The following BBS2 variants were observed in gnomAD, a reference collection of about 807,000 sequenced individuals.
The protein encoded by BBS2 is Bardet-Biedl syndrome 2.
In BBS2, 62 loss-of-function variants were observed where a neutral mutation model predicts 83.0. That is an observed-to-expected ratio of 0.75 (90% CI 0.61 to 0.92). The LOEUF is 0.92. Ranked by LOEUF, BBS2 falls within the 40% of genes least tolerant of loss-of-function variation. The pLI, the probability that BBS2 is intolerant of heterozygous loss-of-function variation, is 0.00. For missense variants in BBS2, 784 were observed against 901.0 expected (o/e 0.87, Z 1.66); for synonymous variants, 303 against 326.1 (o/e 0.93, Z 0.76).
chr16:56,474,637 A>G (rs1181877609), intron 17 of BBS2, among the ~76,000 whole-genome samples: 1 of 151,976 alleles, frequency 6.6e-6, no homozygotes, highest in African/African-American at 2.4e-5. Context: ...CAACTTTTTT[A>G]CCCCAAAATA....
intron 11 of BBS2, 178 bp downstream of exon 11, chr16:56,500,676 A>T: frequency 3.2e-6 from 2 of 619,678 alleles, no homozygotes. Flanking sequence ...CAGTTTTTCC[A>T]TTTTCTTTTT....
intron 15 of BBS2, among the ~76,000 whole-genome samples, chr16:56,495,143 T>G (rs1439270058): frequency 6.6e-6 from 1 of 152,194 alleles, no homozygotes; most frequent in Non-Finnish European, 1.5e-5. Context: ...CTGTACAAAC[T>G]GTACCTCAGG....
At chr16:56,487,747 C>A (rs994158183) in intron 15 of BBS2, among the ~76,000 whole-genome samples, 2 of 152,072 alleles carry the variant, frequency 1.3e-5, no homozygotes, top group African/African-American at 4.8e-5. Context: ...ACAAAAATTG[C>A]TGATGAAATT....
chr16:56,495,686 T>G (rs1340136724), intron 15 of BBS2, among the ~76,000 whole-genome samples: 2 of 152,168 alleles, frequency 1.3e-5, no homozygotes, highest in East Asian at 3.8e-4. Context: ...ACAGATGAGG[T>G]ATTTGTAATA....
At position 56,485,909 on chromosome 16, in the gene BBS2, A is replaced by T. The variant is rs139934839; in HGVS notation, c.1911-171T>A. Among the ~76,000 whole-genome samples, 391 of 152,352 alleles carry T rather than the reference A, an allele frequency of 2.6e-3. 3 individuals carry two copies. The highest frequency in any genetic ancestry group is 6.8e-3 in the Middle Eastern group (2 of 294). ...GAAAATACGGATAAGTTCCATAAAA[A>T]TATTCTTTTCCTTCCAAATAAACAG... On this transcript the variant is annotated intron_variant, in intron 15 of 16. Coordinates refer to ENST00000245157, the MANE Select transcript of BBS2 (RefSeq NM_031885.5).
At chr16:56,504,223 C>G (rs1284856911) in intron 7 of BBS2, among the ~76,000 whole-genome samples, 2 of 152,162 alleles carry the variant, frequency 1.3e-5, no homozygotes, top group Non-Finnish European at 2.9e-5. Context: ...GCATTTTTAA[C>G]AAAGCACATT....
chr16:56,471,132 AC>A, intron 17 of BBS2, among the ~76,000 whole-genome samples: 1 of 151,642 alleles, frequency 6.6e-6, no homozygotes, highest in South Asian at 2.1e-4. Context: ...CAGTCTGATC[AC>A]CTGAGGCCAG....
intron 2 of BBS2, among the ~76,000 whole-genome samples, chr16:56,513,975 A>T (rs773036826): frequency 3.9e-5 from 6 of 152,242 alleles, no homozygotes; most frequent in Non-Finnish European, 7.3e-5. Context: ...TCAACAGTTA[A>T]GTGCTCTTTC....
chr16:56,473,114 T>A (rs1171820606), intron 17 of BBS2, among the ~76,000 whole-genome samples: 4 of 152,096 alleles, frequency 2.6e-5, no homozygotes, highest in African/African-American at 9.7e-5. Context: ...GTATTTTTAG[T>A]AGAGACGGGG....
At chr16:56,516,064 G>A (rs968580801) in intron 1 of BBS2, 4 of 152,184 alleles carry the variant, frequency 2.6e-5, no homozygotes, top group African/African-American at 9.7e-5. Flanking sequence ...CATTCTTACC[G>A]GAATGGAAAG....
intron 15 of BBS2, among the ~76,000 whole-genome samples, chr16:56,494,365 T>C (rs1597009756): frequency 2.0e-5 from 3 of 152,144 alleles, no homozygotes; most frequent in East Asian, 1.9e-4. Context: ...TGAACTCATA[T>C]TTTCTCATTG....
In BBS2 at chr16:56,499,867, G is replaced by A. The variant is rs778090540; in HGVS notation, c.1438C>T (p.Arg480Ter). The A allele has an allele frequency of 2.4e-5, 39 of 1,614,004 alleles. No individual in the cohort carries two copies. The highest frequency in any genetic ancestry group is 3.1e-5 in the Non-Finnish European group (36 of 1,180,024). The part of the protein sequence containing the change: ...HVFESTRQLP[R>*]FSMYALTSLD... ...CTGGTCAGCGCATACATGGAGAATCGAGGGAGCTGTCTTGTCGATTCAAAT... is the reference window on the plus strand; with the variant it reads ...CTGGTCAGCGCATACATGGAGAATCAAGGGAGCTGTCTTGTCGATTCAAAT... Residue 480 changes from arginine (R) to a stop codon, truncating the protein, a stop_gained, in exon 12 of 17, where the codon CGA (arginine) becomes TGA (stop). Coordinates refer to ENST00000245157, the MANE Select transcript of BBS2 (RefSeq NM_031885.5). LOFTEE classifies it high-confidence loss of function.
chr16:56,481,692 T>G (rs1963664969), downstream of BBS2, among the ~76,000 whole-genome samples: 1 of 152,136 alleles, frequency 6.6e-6, no homozygotes, highest in Non-Finnish European at 1.5e-5. Context: ...GGCAACAAAA[T>G]AGAGAAGTTA....
intron 12 of BBS2, 85 bp downstream of exon 12, chr16:56,499,693 T>A (rs971608515): frequency 1.3e-6 from 2 of 1,565,638 alleles, no homozygotes; most frequent in Non-Finnish European, 1.8e-6. Context: ...ATATAACACA[T>A]TAATGTAATT....
downstream of BBS2, among the ~76,000 whole-genome samples, chr16:56,481,186 A>C (rs1007703369): frequency 1.2e-4 from 18 of 152,044 alleles, no homozygotes; most frequent in Non-Finnish European, 2.1e-4. Context: ...CTAGGGTTGC[A>C]TAATAGTTTT....
chr16:56,473,142 G>A (rs1331488248), intron 17 of BBS2, among the ~76,000 whole-genome samples: 3 of 152,144 alleles, frequency 2.0e-5, no homozygotes, highest in African/African-American at 7.2e-5. Context: ...GTGTTAGCCA[G>A]GATGGTCTCC....
intron 3 of BBS2, 68 bp from the exon 4 acceptor site, chr16:56,510,989 A>G: frequency 6.3e-7 from 1 of 1,583,602 alleles, no homozygotes. Flanking sequence ...TATTAGCTAC[A>G]TGAAGGAGAG....
At position 56,500,932 on chromosome 16, in the gene BBS2, G is replaced by C. The variant is rs765419194; in HGVS notation, c.1319C>G (p.Ser440Cys). 1.4e-5 allele frequency: 22 copies of C among 1,614,148 alleles called. No individual in the cohort carries two copies. Among genetic ancestry groups the C allele is most frequent in the Non-Finnish European group, 1.9e-5 (22 of 1,180,004 alleles). The change falls in exon 11 of 17, where the codon TCC becomes TGC. Residue 440 changes from serine to cysteine, a missense_variant. Physicochemically the swap from Ser to Cys is moderately radical, Grantham distance 112 (BLOSUM62 -1). Transcript: ENST00000245157. ...VHPSIHNLSS[S>C]ICIPIVPPKD... ...GGGAGGCACAATAGGGATGCAGATG[G>C]AACTGGAGAGGTTGTGAATGCTGGG...
At chr16:56,507,372 C>T (rs1964448709) in intron 5 of BBS2, among the ~76,000 whole-genome samples, 2 of 152,154 alleles carry the variant, frequency 1.3e-5, no homozygotes, top group Admixed American at 6.6e-5. Context: ...AACTCTATTC[C>T]AGGTTCTTGT....
Sources: allele counts gnomAD v4.1 joint callset (sites outside exome capture counted in the v4.1 genomes callset), GRCh38; gene constraint gnomAD v4.1.1; transcripts MANE v1.5; gene names NCBI Gene and HGNC (gene_info 2026-07-23, HGNC 2026-07-21).